Variants in DHX57 observed in about 807,000 individuals in gnomAD.
The protein encoded by DHX57 is putative ATP-dependent RNA helicase DHX57.
In DHX57, 105 loss-of-function variants were observed where a neutral mutation model predicts 156.2. That is an observed-to-expected ratio of 0.67 (90% confidence interval 0.57 to 0.79). The LOEUF (loss-of-function observed/expected upper bound fraction) is 0.79, where lower values mean the gene tolerates loss of function less well. DHX57 is among the 30% of genes least tolerant of loss of function. The pLI is 0.00. For synonymous variants in DHX57, 704 were observed against 595.6 expected, an observed-to-expected ratio of 1.18 and a Z score of -2.65; for missense variants, 1,847 against 1,661.9, an observed-to-expected ratio of 1.11 and a Z score of -1.94.
intron 12 of DHX57, among the ~76,000 whole-genome samples, chr2:38,839,869 G>C (rs1360105251): frequency 1.3e-5 from 2 of 152,156 alleles, no homozygotes; most frequent in Non-Finnish European, 2.9e-5. Flanking sequence ...TCTTTGCCAA[G>C]ATTCCAAAAA....
rs892581121 is a variant in DHX57, at chr2:38,825,936, A to G, written c.2925T>C (p.His975=). ...AGRVASGVCF[H]LFTSHHYNHQ... ...GATTGTAGTGATGGCTAGTGAATAA[A>G]TGGAAGCAGACCCCAGATGCAACAC... Residue 975 remains histidine, a synonymous_variant, in exon 16 of 24, where the codon CAT becomes CAC. Transcript: ENST00000457308. 6.2e-7 allele frequency: 1 copy of G among 1,614,220 alleles called. No homozygotes were observed. The highest frequency in any genetic ancestry group is 1.1e-5 in the South Asian group (1 of 91,086).
rs537072620 is a variant in DHX57 at position 38,852,942 on chromosome 2, G to A, written c.2030+1112C>T. On this transcript the variant is annotated intron_variant, in intron 9 of 23. Transcript: ENST00000457308. ...TGCTGCTACACAGCAGGTGCACTGGGCTTCCTTGTTTCTGGACTCACAAAG... is the reference window on the plus strand; with the variant it reads ...TGCTGCTACACAGCAGGTGCACTGGACTTCCTTGTTTCTGGACTCACAAAG... The A allele has an allele frequency of 1.2e-4, 18 of 154,532 alleles. No individual in the cohort carries two copies. In the East Asian group the frequency reaches 3.2e-3, roughly 28 times the overall value. 9.6% of individuals were successfully genotyped at this position (154,532 alleles called of 1,614,324 possible).
At chr2:38,834,443 C>T (rs1187115996) in intron 13 of DHX57, among the ~76,000 whole-genome samples, 1 of 151,990 alleles carries the variant, frequency 6.6e-6, no homozygotes, top group Non-Finnish European at 1.5e-5. Flanking sequence ...GTAGCCACCT[C>T]CTGTTGCTAC....
Position 38,861,463 on chromosome 2 carries a change from C to T in DHX57, c.947G>A (p.Gly316Glu), listed in dbSNP as rs748755497. 6 of 1,613,896 alleles carry T rather than the reference C, an allele frequency of 3.7e-6. No individual in the cohort carries two copies. ...KFYLKGNCKF[G>E]SKCRFKHEVP... ...TTCATGTTTGAATCTGCATTTTGAT[C>T]CAAATTTACAATTTCCTTTGAGGTA... Residue 316 changes from glycine (G) to glutamate (E), a missense_variant, in exon 5 of 24, where the codon GGA becomes GAA. Gly to Glu is a moderately conservative substitution (Grantham distance 98). Coordinates refer to ENST00000457308, the MANE Select transcript of DHX57 (RefSeq NM_198963.3).
chr2:38,804,107 C>T (rs1669827763), intron 22 of DHX57, among the ~76,000 whole-genome samples: 1 of 152,168 alleles, frequency 6.6e-6, no homozygotes, highest in South Asian at 2.1e-4. Context: ...TCACAGAAAC[C>T]ACTGTGATGC....
In DHX57 at chr2:38,813,831, T is replaced by C. The variant is rs780009363; in HGVS notation, c.3671A>G (p.Asn1224Ser). 2 of 1,613,594 alleles carry C rather than the reference T, an allele frequency of 1.2e-6. No individual in the cohort carries two copies. Among genetic ancestry groups the C allele is most frequent in the Admixed American group, 1.7e-5 (1 of 60,000 alleles). ...AAAATGTTTTGTTACCTGCACTACA[T>C]TTGGATACAAAGCAGCACACAGCAT... ...SAMLCAALYP[N>S]VVQVKSPEGK... Residue 1224 changes from asparagine to serine, a missense_variant, in exon 21 of 24, where the codon AAT (asparagine) becomes AGT (serine). Asn to Ser is a conservative substitution (Grantham distance 46). Coordinates refer to ENST00000457308, the MANE Select transcript of DHX57 (RefSeq NM_198963.3).
chr2:38,837,869 A>T lies in DHX57; in HGVS notation c.2504T>A (p.Leu835Ter), dbSNP rs1255798535. 1 of 1,612,742 alleles carries T rather than the reference A, an allele frequency of 6.2e-7. No homozygotes were observed. Among genetic ancestry groups the T allele is most frequent in the Admixed American group, 1.7e-5 (1 of 59,992 alleles). The change falls in exon 13 of 24, where the codon TTA becomes TAA. Residue 835 changes from leucine to a stop codon, truncating the protein, a stop_gained. Coordinates refer to ENST00000457308, the MANE Select transcript of DHX57 (RefSeq NM_198963.3). LOFTEE classifies it high-confidence loss of function. ...KVNLELIEAL[L>*]EWIVDGKHSY... The stretch of plus-strand genomic sequence containing the variant: ...GTGCTTTCCATCCACAATCCACTCT[A>T]ATAAGGCCTCTATTAATTCAAGATT...
chr2:38,827,756 C>A (rs373202910), intron 14 of DHX57, among the ~76,000 whole-genome samples: 2 of 151,818 alleles, frequency 1.3e-5, no homozygotes, highest in Non-Finnish European at 2.9e-5. Flanking sequence ...AATGGTAGGA[C>A]TTCTTTGTTG....
At chr2:38,798,469 G>C (rs1174404198) in intron 23 of DHX57, 27 bp from the exon 24 acceptor site, 3 of 1,588,564 alleles carry the variant, frequency 1.9e-6, no homozygotes, top group South Asian at 1.2e-5. Context: ...AATATAAGCA[G>C]TGCTTGGAGG....
chr2:38,807,197 AGTGT>A (rs1238986997), intron 21 of DHX57, among the ~76,000 whole-genome samples: 1 of 150,544 alleles, frequency 6.6e-6, no homozygotes, highest in Non-Finnish European at 1.5e-5. Context: ...TGGGATTACA[AGTGT>A]GCGCCACCAC....
intron 11 of DHX57, among the ~76,000 whole-genome samples, chr2:38,846,715 G>GA (rs1280987873): frequency 1.3e-5 from 2 of 151,892 alleles, no homozygotes; most frequent in Non-Finnish European, 2.9e-5. Context: ...TGTTCAAACA[G>GA]AAAAAATAGA....
rs906619171 is a variant in DHX57 at position 38,798,125 on chromosome 2, G to T, written c.*174C>A. 8 of 696,238 alleles carry T rather than the reference G, an allele frequency of 1.1e-5. No homozygotes were observed. In the African/African-American group the frequency reaches 1.3e-4, roughly 11 times the overall value. 43.1% of individuals were successfully genotyped at this position (696,238 alleles called of 1,614,324 possible). ...TTGTGCTGGGAGTGGCCAAGGCTTT[G>T]TTAGAAATGGCCCTAAGGGTATATA... On this transcript the variant is annotated 3_prime_UTR_variant, in exon 24 of 24. Coordinates refer to ENST00000457308, the MANE Select transcript of DHX57 (RefSeq NM_198963.3).
intron 12 of DHX57, 98 bp downstream of exon 12, chr2:38,842,907 T>A: frequency 7.6e-7 from 1 of 1,320,118 alleles, no homozygotes; most frequent in Non-Finnish European, 1.1e-6. Context: ...AATGTAACTA[T>A]GAAACAAGAA....
intron 22 of DHX57, among the ~76,000 whole-genome samples, chr2:38,804,731 A>C (rs1026686172): frequency 2.7e-5 from 4 of 150,744 alleles, no homozygotes; most frequent in Non-Finnish European, 4.4e-5. Flanking sequence ...ATACACTCCC[A>C]CCTTGTGATG....
intron 5 of DHX57, among the ~76,000 whole-genome samples, chr2:38,860,722 T>C (rs1673148447): frequency 6.6e-6 from 1 of 152,210 alleles, no homozygotes; most frequent in Non-Finnish European, 1.5e-5. Context: ...GAACGTACCT[T>C]AAGGTCCTTC....
intron 21 of DHX57, 104 bp downstream of exon 21, chr2:38,813,717 G>A (rs1267283605): frequency 3.7e-6 from 5 of 1,333,692 alleles, no homozygotes; most frequent in African/African-American, 1.5e-5. Flanking sequence ...GTGCACACAT[G>A]CGTATATATC....
chr2:38,873,472 G>A (rs1665447246), intron 1 of DHX57, among the ~76,000 whole-genome samples: 1 of 152,166 alleles, frequency 6.6e-6, no homozygotes, highest in Admixed American at 6.5e-5. Flanking sequence ...TGTATTCAGA[G>A]TTTATCTTAA....
chr2:38,808,954 G>C (rs1478138788), intron 21 of DHX57, among the ~76,000 whole-genome samples: 4 of 151,672 alleles, frequency 2.6e-5, no homozygotes, highest in Admixed American at 1.3e-4. Context: ...GGGTCTCTCT[G>C]TGTTGCCCAG....
At chr2:38,804,595 C>T (rs934328813) in intron 22 of DHX57, among the ~76,000 whole-genome samples, 9 of 152,270 alleles carry the variant, frequency 5.9e-5, no homozygotes, top group African/African-American at 2.2e-4. Flanking sequence ...AAGTCCTTGC[C>T]ATGGCTACCA....
Sources: allele counts gnomAD v4.1 joint callset (sites outside exome capture counted in the v4.1 genomes callset), GRCh38; gene constraint gnomAD v4.1.1; transcripts MANE v1.5; gene names NCBI Gene and HGNC (gene_info 2026-07-23, HGNC 2026-07-21).